The following MYH6 variants were observed in gnomAD, a reference collection of about 807,000 sequenced individuals.
MYH6 encodes myosin heavy chain 6.
Under a neutral mutation model 223.2 loss-of-function variants are expected in MYH6, and 126 were observed. That is an observed-to-expected ratio of 0.56 (90% confidence interval 0.49 to 0.65). MYH6 has a LOEUF of 0.65. MYH6 is among the 30% of genes least tolerant of loss of function. The pLI is 0.00. For synonymous variants in MYH6, 978 were observed against 1,010.2 expected, an observed-to-expected ratio of 0.97 and a Z score of 0.61; for missense variants, 2,040 against 2,536.4, an observed-to-expected ratio of 0.80 and a Z score of 4.20.
At chr14:23,389,371 C>A (rs781435026) in intron 28 of MYH6, 22 bp downstream of exon 28, 1 of 1,611,814 alleles carries the variant, frequency 6.2e-7, no homozygotes, top group African/African-American at 1.3e-5. Context: ...CAAGCCTGCC[C>A]ACCCTCCCCA....
intron 25 of MYH6, 70 bp downstream of exon 25, chr14:23,392,492 C>A: frequency 8.7e-7 from 1 of 1,149,234 alleles, no homozygotes; most frequent in South Asian, 1.2e-5. Flanking sequence ...GAACCCTAAG[C>A]AGCTGCTGCA....
At position 23,400,244 on chromosome 14, in the gene MYH6, C is replaced by A. The variant is rs759130768; in HGVS notation, c.1581+12G>T. On this transcript the variant is annotated intron_variant, in intron 14 of 38. Transcript: ENST00000405093. ...AGAGGAGGGGGCATAGGTGGTGAGG[C>A]CAAGGAGGCACCTTCTCGATGAGGT... The A allele has an allele frequency of 6.2e-7, 1 of 1,614,170 alleles. No individual in the cohort carries two copies. The highest frequency in any genetic ancestry group is 1.1e-5 in the South Asian group (1 of 91,082).
In MYH6 at chr14:23,405,415, G is replaced by C; in HGVS notation, c.346-36C>G. 1 of 1,614,018 alleles carries C rather than the reference G, an allele frequency of 6.2e-7. No individual in the cohort carries two copies. Among genetic ancestry groups the C allele is most frequent in the Non-Finnish European group, 8.5e-7 (1 of 1,179,886 alleles). On this transcript the variant is annotated intron_variant, in intron 4 of 38. Transcript: ENST00000405093. The surrounding 1 kb of genome is among the most constrained non-coding windows in gnomAD (Gnocchi z 4.7). The stretch of plus-strand genomic sequence containing the variant: ...AGACAAGGCTGGGCATGAGGTTGGT[G>C]GGGAGAGCCTGGGACAGGCAGTGGT...
intron 23 of MYH6, 126 bp from the exon 24 acceptor site, chr14:23,393,183 G>C: frequency 6.7e-7 from 1 of 1,492,692 alleles, no homozygotes. Context: ...AATCCTGCAA[G>C]CACAAAGGAT....
At position 23,384,487 on chromosome 14, in the gene MYH6, C is replaced by T. The variant is rs1415937952; in HGVS notation, c.5520G>A (p.Lys1840=). 3.1e-6 allele frequency: 5 copies of T among 1,612,886 alleles called. No individual in the cohort carries two copies. The Admixed American group carries it at 6.7e-5, about 21-fold the overall frequency. ...TGCGCCGCTCGCTCTTCCTCATGCCCTTCACCGACTCTGCGTTGCGCTTCT... is the reference window on the plus strand; with the variant it reads ...TGCGCCGCTCGCTCTTCCTCATGCCTTTCACCGACTCTGCGTTGCGCTTCT... ...AEQKRNAESV[K]GMRKSERRIK... is the part of the protein sequence containing the mutation. The change falls in exon 36 of 39, where the codon AAG becomes AAA. Residue 1840 remains lysine (K), a synonymous_variant. Transcript: ENST00000405093.
chr14:23,406,183 C>T (rs556098351), intron 3 of MYH6, among the ~76,000 whole-genome samples: 267 of 152,296 alleles, frequency 1.8e-3, no homozygotes, highest in African/African-American at 6.2e-3. Flanking sequence ...CAGGGCAAAC[C>T]TTCACCCCTG....
intron 30 of MYH6, 110 bp downstream of exon 30, chr14:23,388,045 T>C (rs1891091542): frequency 6.2e-7 from 1 of 1,607,448 alleles, no homozygotes; most frequent in Non-Finnish European, 8.5e-7. Flanking sequence ...GTCCCGAGCC[T>C]GGGCTTAGCC....
At chr14:23,391,656 G>A (rs1766536722) in intron 25 of MYH6, among the ~76,000 whole-genome samples, 1 of 152,206 alleles carries the variant, frequency 6.6e-6, no homozygotes, top group South Asian at 2.1e-4. Context: ...GAGAGGACAA[G>A]GTCCCGCCCC....
intron 16 of MYH6, 109 bp downstream of exon 16, chr14:23,397,434 C>T: frequency 4.3e-6 from 6 of 1,401,554 alleles, no homozygotes; most frequent in Non-Finnish European, 5.0e-6. Context: ...ACTACGTAGC[C>T]CTAGCTTCTT....
In MYH6 at chr14:23,402,474, G is replaced by T; in HGVS notation, c.1131C>A (p.Asp377Glu). Residue 377 changes from aspartate (D) to glutamate (E), a missense_variant, in exon 12 of 39, where the codon GAC becomes GAA. Coordinates refer to ENST00000405093, the MANE Select transcript of MYH6 (RefSeq NM_002471.4). The part of the protein sequence containing the change: ...QKQREEQAEP[D>E]GTEDADKSAY... ...GCCTGCCCCTCCCACCTTCGGTGCC[G>T]TCTGGCTCCGCCTGCTCCTCCCGCT... 1 of 1,613,088 alleles carries T rather than the reference G, an allele frequency of 6.2e-7. No homozygotes were observed. The highest frequency in any genetic ancestry group is 8.5e-7 in the Non-Finnish European group (1 of 1,179,936).
chr14:23,402,833 G>C, intron 10 of MYH6, 33 bp from the exon 11 acceptor site: 1 of 1,579,488 alleles, frequency 6.3e-7, no homozygotes, highest in Non-Finnish European at 8.7e-7. Context: ...CAGGGGCAAG[G>C]GGGCAGGCGG....
intron 12 of MYH6, 41 bp from the exon 13 acceptor site, chr14:23,401,018 T>C: frequency 6.2e-7 from 1 of 1,603,490 alleles, no homozygotes; most frequent in Non-Finnish European, 8.5e-7. Flanking sequence ...TTCCTTTTTT[T>C]TTTTTTAAGA....
Position 23,383,340 on chromosome 14 carries a change from A to AC in MYH6, c.5566-21_5566-20insG. The AC allele has an allele frequency of 2.1e-6, 1 of 472,840 alleles. No individual in the cohort carries two copies. The highest frequency in any genetic ancestry group is 4.2e-6 in the Non-Finnish European group (1 of 235,714). 29.3% of individuals were successfully genotyped at this position (472,840 alleles called of 1,614,324 possible). The stretch of plus-strand genomic sequence containing the variant: ...CTCTGTCTGGGGGTGGGAGGGTGGG[A>AC]GAAGCTGGTTTGGAGGGGGAGCAAA... On this transcript the variant is annotated intron_variant, in intron 36 of 38. Transcript: ENST00000405093.
chr14:23,384,769 T>C, intron 35 of MYH6, 52 bp from the exon 36 acceptor site: 2 of 1,613,972 alleles, frequency 1.2e-6, no homozygotes, highest in Non-Finnish European at 1.7e-6. Flanking sequence ...CCGGGGCCTT[T>C]TGCCCCCCAA....
In MYH6 at chr14:23,392,655, G is replaced by A; in HGVS notation, c.3252-3C>T. ...GCTGATTAATGTCAAACTCCTTCCT[G>A]CAGGAGAAGGGTGGGGGTGGGGGAG... On this transcript the variant is annotated splice_polypyrimidine_tract_variant and splice_region_variant and intron_variant, in intron 24 of 38. Transcript: ENST00000405093. The A allele has an allele frequency of 1.3e-6, 2 of 1,498,344 alleles. No homozygotes were observed. The highest frequency in any genetic ancestry group is 1.7e-4 in the Middle Eastern group (1 of 5,836). The allele number at this position is 1,498,344 out of a possible 1,614,324, so 92.8% of individuals were successfully genotyped here. A position where few individuals can be genotyped will look rare whatever the true frequency, so the allele number is the denominator to read the frequency against.
chr14:23,406,153 G>T (rs566217828), intron 3 of MYH6, among the ~76,000 whole-genome samples: 28 of 152,234 alleles, frequency 1.8e-4, no homozygotes, highest in African/African-American at 6.7e-4. Context: ...CGCGGGCAGC[G>T]CTTTAGGGTA....
chr14:23,384,530 C>T lies in MYH6; in HGVS notation c.5477G>A (p.Gly1826Asp), dbSNP rs200260229. ...KLEARVRELE[G>D]ELEAEQKRNA... ...GCGCTTCTGCTCGGCCTCCAGCTCA[C>T]CCTCCAGCTCCCGCACCCGCGCTTC... The change falls in exon 36 of 39, where the codon GGT (glycine) becomes GAT (aspartate). Residue 1826 changes from glycine to aspartate, a missense_variant. Physicochemically the swap from Gly to Asp is moderately conservative, Grantham distance 94 (BLOSUM62 -1). Around this residue, in one of 4 missense-constraint regions of MYH6, gnomAD observed 1,203 missense variants for 1,400.2 expected, o/e 0.86. Transcript: ENST00000405093. The T allele has an allele frequency of 4.5e-4, 730 of 1,613,428 alleles. No homozygotes were observed. The highest frequency in any genetic ancestry group is 5.6e-4 in the Non-Finnish European group (658 of 1,180,040).
chr14:23,396,348 G>A lies in MYH6; in HGVS notation c.2365C>T (p.Arg789Cys), dbSNP rs200925880. ...RDERLSRIIT[R>C]MQAQARGQLM... ...TGGCCCCGGGCTTGGGCCTGCATGCGCGTGATGATGCGGCTCAGCCTCTCA... is the reference window on the plus strand; with the variant it reads ...TGGCCCCGGGCTTGGGCCTGCATGCACGTGATGATGCGGCTCAGCCTCTCA... The change falls in exon 20 of 39, where the codon CGC becomes TGC. Residue 789 changes from arginine to cysteine, a missense_variant. Arg to Cys is a radical substitution (Grantham distance 180). Coordinates refer to ENST00000405093, the MANE Select transcript of MYH6 (RefSeq NM_002471.4). 22 of 1,614,074 alleles carry A rather than the reference G, an allele frequency of 1.4e-5. 1 individual carries two copies. Among genetic ancestry groups the A allele is most frequent in the Middle Eastern group, 1.6e-4 (1 of 6,062 alleles).
chr14:23,397,964 C>CTTT lies in MYH6; in HGVS notation c.1892-352_1892-351insAAA, dbSNP rs1566512567. Among the ~76,000 whole-genome samples the CTTT allele has an allele frequency of 3.0e-3, 374 of 124,726 alleles. 3 individuals carry two copies. The highest frequency in any genetic ancestry group is 4.8e-3 in the South Asian group (16 of 3,324). 81.8% of individuals were successfully genotyped at this position (124,726 alleles called of 152,430 possible). ...TCTTCTTCTTCTTCTTCTTCTTCTT[C>CTTT]TTCTTCTTCTTCTTCTTCTTCTTCT... On this transcript the variant is annotated intron_variant, in intron 15 of 38. Transcript: ENST00000405093.
Sources: allele counts gnomAD v4.1 joint callset (sites outside exome capture counted in the v4.1 genomes callset), GRCh38; gene constraint gnomAD v4.1.1; regional missense constraint gnomAD v4.1.1; non-coding constraint Gnocchi (gnomAD v3.1); transcripts MANE v1.5; gene names NCBI Gene and HGNC (gene_info 2026-07-23, HGNC 2026-07-21).